The following EBF3 variants were observed in gnomAD, a reference collection of about 807,000 sequenced individuals.
The protein encoded by EBF3 is transcription factor COE3.
EBF3 carries 18 observed loss-of-function variants against 77.1 expected under a neutral mutation model. The ratio of observed to expected loss-of-function variants is 0.23; its 90% CI spans 0.16 to 0.35. EBF3 has a LOEUF of 0.35. Ranked by LOEUF, EBF3 falls within the 10% of genes least tolerant of loss-of-function variation. The probability of loss-of-function intolerance (pLI) is 1.00; values close to 1 mark genes in which losing one functional copy is unlikely to be tolerated. For synonymous variants in EBF3, 350 were observed against 343.5 expected (o/e 1.02, Z -0.21); for missense variants, 558 against 860.0 (o/e 0.65, Z 4.39).
In EBF3 at chr10:129,842,349, C is replaced by T. The variant is rs528130073; in HGVS notation, c.1195-56G>A. 5.0e-5 allele frequency: 76 copies of T among 1,527,508 alleles called. No individual in the cohort carries two copies. In the East Asian group the frequency reaches 1.5e-3, roughly 31 times the overall value. 94.6% of individuals were successfully genotyped at this position (1,527,508 alleles called of 1,614,324 possible). On this transcript the variant is annotated intron_variant, in intron 12 of 16. Transcript: ENST00000440978. The surrounding 1 kb of genome is among the most constrained non-coding windows in gnomAD (Gnocchi z 4.4). ...TCACCCCAGGCCCGGCCCAGCTGGCCGCACTCTCGGGGGCCCACCATGGTG... is the reference window on the plus strand; with the variant it reads ...TCACCCCAGGCCCGGCCCAGCTGGCTGCACTCTCGGGGGCCCACCATGGTG...
chr10:129,876,771 G>C (rs1187804481), intron 7 of EBF3, among the ~76,000 whole-genome samples: 1 of 151,208 alleles, frequency 6.6e-6, no homozygotes, highest in African/African-American at 2.4e-5. Context: ...ATTAAAATTA[G>C]CAAAATCATC....
At chr10:129,846,918 G>C (rs555069099) in intron 11 of EBF3, among the ~76,000 whole-genome samples, 1 of 152,182 alleles carries the variant, frequency 6.6e-6, no homozygotes, top group East Asian at 1.9e-4. Context: ...TCTGTCCCCC[G>C]GGGAGGCAGA....
At chr10:129,914,588 T>C (rs1248639900) in intron 6 of EBF3, among the ~76,000 whole-genome samples, 1 of 151,602 alleles carries the variant, frequency 6.6e-6, no homozygotes, top group Non-Finnish European at 1.5e-5. Context: ...CCTCTGAGGG[T>C]AGGAAAGGAG....
At position 129,848,274 on chromosome 10, in the gene EBF3, G is replaced by A; in HGVS notation, c.1128+118C>T. 9.3e-7 allele frequency: 1 copy of A among 1,078,400 alleles called. No homozygotes were observed. The allele number at this position is 1,078,400 out of a possible 1,614,324, so 66.8% of individuals were successfully genotyped here. A position where few individuals can be genotyped will look rare whatever the true frequency, so the allele number is the denominator to read the frequency against. Reference sequence around the variant, plus strand: ...CCTCACACCTGTCGGCCCTGTGGTGGGCACAGAGTTTGGGGAATCTGCAAT... The same window carrying A: ...CCTCACACCTGTCGGCCCTGTGGTGAGCACAGAGTTTGGGGAATCTGCAAT... On this transcript the variant is annotated intron_variant, in intron 11 of 16. Coordinates refer to ENST00000440978, the MANE Select transcript of EBF3 (RefSeq NM_001375380.1). The surrounding 1 kb of genome is among the most constrained non-coding windows in gnomAD (Gnocchi z 4.4).
rs374326723 is a variant in EBF3 at position 129,842,239 on chromosome 10, G to A, written c.1249C>T (p.Arg417Cys). The part of the protein sequence containing the change: ...DIAEALYSVP[R>C]NHNQIPTLGN... ...AGGGTGGGGATCTGGTTGTGATTGCGGGGAACGCTGTACAGCGCCTCGGCG... is the reference window on the plus strand; with the variant it reads ...AGGGTGGGGATCTGGTTGTGATTGCAGGGAACGCTGTACAGCGCCTCGGCG... The change falls in exon 13 of 17, where the codon CGC becomes TGC. Residue 417 changes from arginine (R) to cysteine (C), a missense_variant. Physicochemically the swap from Arg to Cys is radical, Grantham distance 180. Around this residue, in one of 5 missense-constraint regions of EBF3, gnomAD observed 284 missense variants for 368.3 expected, o/e 0.77. Transcript: ENST00000440978. The surrounding 1 kb of genome is among the most constrained non-coding windows in gnomAD (Gnocchi z 4.4). The A allele has an allele frequency of 2.5e-6, 4 of 1,613,892 alleles. No homozygotes were observed. Among genetic ancestry groups the A allele is most frequent in the Non-Finnish European group, 3.4e-6 (4 of 1,179,900 alleles).
chr10:129,859,030 G>T (rs1248365768), intron 10 of EBF3, among the ~76,000 whole-genome samples: 2 of 152,190 alleles, frequency 1.3e-5, no homozygotes, highest in South Asian at 2.1e-4. Context: ...TCGAGAGTGT[G>T]CCCTCTGCAC....
At chr10:129,883,168 C>T (rs913004074) in intron 6 of EBF3, among the ~76,000 whole-genome samples, 6 of 152,280 alleles carry the variant, frequency 3.9e-5, no homozygotes, top group East Asian at 3.9e-4. Context: ...GTTTCTCCAG[C>T]GCTTGAAAAC....
At chr10:129,894,445 C>A (rs1854230254) in intron 6 of EBF3, among the ~76,000 whole-genome samples, 1 of 152,154 alleles carries the variant, frequency 6.6e-6, no homozygotes, top group Non-Finnish European at 1.5e-5. Context: ...CAGGACCTTG[C>A]CCCCGTGGCT....
rs1850135077 is a variant in EBF3, at chr10:129,842,372, G to A, written c.1195-79C>T. 6.7e-7 allele frequency: 1 copy of A among 1,486,972 alleles called. No individual in the cohort carries two copies. Among genetic ancestry groups the A allele is most frequent in the Non-Finnish European group, 9.0e-7 (1 of 1,114,006 alleles). 92.1% of individuals were successfully genotyped at this position (1,486,972 alleles called of 1,614,324 possible). On this transcript the variant is annotated intron_variant, in intron 12 of 16. Transcript: ENST00000440978. This position sits in a 1 kb window ranked among gnomAD's most constrained non-coding sequence, Gnocchi z 4.4. Reference sequence around the variant, plus strand: ...GCCGCACTCTCGGGGGCCCACCATGGTGGCATCCCACTGTCCCTTGCCCAG... The same window carrying A: ...GCCGCACTCTCGGGGGCCCACCATGATGGCATCCCACTGTCCCTTGCCCAG...
In EBF3 at chr10:129,879,190, G is replaced by A. The variant is rs1017959274; in HGVS notation, c.555-1341C>T. ...ACTACCCACAGGAAAAGTGGGTGGG[G>A]GGGTTTCTCCCTGTATAACCTCTGC... On this transcript the variant is annotated intron_variant, in intron 6 of 16. Coordinates refer to ENST00000440978, the MANE Select transcript of EBF3 (RefSeq NM_001375380.1). The surrounding 1 kb of genome is among the most constrained non-coding windows in gnomAD (Gnocchi z 4.7). 1.3e-5 allele frequency among the ~76,000 whole-genome samples: 2 copies of A among 152,108 alleles called. No homozygotes were observed. The highest frequency in any genetic ancestry group is 4.8e-5 in the African/African-American group (2 of 41,418).
At chr10:129,946,067 G>C (rs1858196588) in intron 6 of EBF3, among the ~76,000 whole-genome samples, 1 of 151,682 alleles carries the variant, frequency 6.6e-6, no homozygotes, top group South Asian at 2.1e-4. Flanking sequence ...CACAGACAGG[G>C]AGTAAGAGCA....
At chr10:129,924,478 G>A (rs1049419673) in intron 6 of EBF3, among the ~76,000 whole-genome samples, 1 of 151,594 alleles carries the variant, frequency 6.6e-6, no homozygotes, top group Non-Finnish European at 1.5e-5. Flanking sequence ...AGGTACTGGT[G>A]AGGATGGAGA....
At chr10:129,850,767 C>T (rs1455070205) in intron 10 of EBF3, among the ~76,000 whole-genome samples, 1 of 152,240 alleles carries the variant, frequency 6.6e-6, no homozygotes. Flanking sequence ...TCTGTGCCCC[C>T]AAGAGCACCT....
At position 129,947,663 on chromosome 10, in the gene EBF3, T is replaced by C. The variant is rs1858327985; in HGVS notation, c.554+9595A>G. Reference sequence around the variant, plus strand: ...AGTTAAAATGTTTTCATTTCTTTCTTTGCAAAGGAACCAAATGCTTTGAAA... The same window carrying C: ...AGTTAAAATGTTTTCATTTCTTTCTCTGCAAAGGAACCAAATGCTTTGAAA... On this transcript the variant is annotated intron_variant, in intron 6 of 16. Transcript: ENST00000440978. This position sits in a 1 kb window ranked among gnomAD's most constrained non-coding sequence, Gnocchi z 4.5. Among the ~76,000 whole-genome samples, 1 of 151,858 alleles carries C rather than the reference T, an allele frequency of 6.6e-6. No individual in the cohort carries two copies. The highest frequency in any genetic ancestry group is 2.4e-5 in the African/African-American group (1 of 41,300).
intron 6 of EBF3, among the ~76,000 whole-genome samples, chr10:129,934,781 G>C (rs955741479): frequency 1.3e-5 from 2 of 152,130 alleles, no homozygotes; most frequent in Non-Finnish European, 2.9e-5. Flanking sequence ...GATCTGAGCT[G>C]CTCCACCCAC....
Position 129,938,861 on chromosome 10 carries a change from T to A in EBF3, c.554+18397A>T, listed in dbSNP as rs528605756. Among the ~76,000 whole-genome samples the A allele has an allele frequency of 2.0e-5, 3 of 152,198 alleles. No homozygotes were observed. The highest frequency in any genetic ancestry group is 6.5e-5 in the Admixed American group (1 of 15,280). ...TGGGGCAGAACCAGGAAGAACCCAC[T>A]GCAGGCCTTCTGGATCCAGTCAGAC... On this transcript the variant is annotated intron_variant, in intron 6 of 16. Coordinates refer to ENST00000440978, the MANE Select transcript of EBF3 (RefSeq NM_001375380.1). The surrounding 1 kb of genome is among the most constrained non-coding windows in gnomAD (Gnocchi z 5.1).
At position 129,963,216 on chromosome 10, in the gene EBF3, G is replaced by C. The variant is rs565822750; in HGVS notation, c.291+151C>G. On this transcript the variant is annotated intron_variant, in intron 2 of 16. Coordinates refer to ENST00000440978, the MANE Select transcript of EBF3 (RefSeq NM_001375380.1). This position sits in a 1 kb window ranked among gnomAD's most constrained non-coding sequence, Gnocchi z 7.1. ...GGCGCAGAGAAGTTGCCCAGCCCTC[G>C]GCGGTCCCGGGCGGCCGCACGTGGC... 1.3e-4 allele frequency: 153 copies of C among 1,220,348 alleles called. 1 individual carries two copies. In the African/African-American group the frequency reaches 1.5e-3, roughly 12 times the overall value. 75.6% of individuals were successfully genotyped at this position (1,220,348 alleles called of 1,614,324 possible). A position where few individuals can be genotyped will look rare whatever the true frequency, so the allele number is the denominator to read the frequency against.
intron 6 of EBF3, among the ~76,000 whole-genome samples, chr10:129,933,685 G>A (rs1392378775): frequency 1.3e-5 from 2 of 152,184 alleles, no homozygotes; most frequent in Non-Finnish European, 2.9e-5. Flanking sequence ...ACCTTCACTC[G>A]ATGTCCTCTA....
intron 10 of EBF3, among the ~76,000 whole-genome samples, chr10:129,860,699 G>T (rs1033608866): frequency 6.6e-6 from 1 of 152,206 alleles, no homozygotes; most frequent in Admixed American, 6.5e-5. Context: ...GCTGGTCACC[G>T]TGGGTCTAAA....
Sources: gnomAD v4.1 joint callset for allele counts (sites outside exome capture counted in the v4.1 genomes callset) on GRCh38, gnomAD v4.1.1 for gene constraint, gnomAD v4.1.1 regional missense constraint, Gnocchi (gnomAD v3.1) non-coding constraint, MANE v1.5 for transcripts, NCBI Gene and HGNC (gene_info 2026-07-23, HGNC 2026-07-21) for gene names.